Variants in TAFA2 observed in about 807,000 individuals in gnomAD.
TAFA2 encodes chemokine-like protein TAFA-2.
In TAFA2, 7 loss-of-function variants were observed where a neutral mutation model predicts 18.8. That is an observed-to-expected ratio of 0.37 (90% CI 0.21 to 0.70). The LOEUF (loss-of-function observed/expected upper bound fraction) is 0.70. Among genes scored for constraint, TAFA2 ranks in the 30% least tolerant of loss-of-function variants. TAFA2 has a pLI of 0.53. For synonymous variants in TAFA2, 60 were observed against 54.2 expected, an observed-to-expected ratio of 1.11 and a Z score of -0.47; for missense variants, 122 against 158.1, an observed-to-expected ratio of 0.77 and a Z score of 1.23.
chr12:61,979,906 A>G (rs568950252), intron 1 of TAFA2, among the ~76,000 whole-genome samples: 1 of 152,170 alleles, frequency 6.6e-6, no homozygotes, highest in Admixed American at 6.6e-5. Flanking sequence ...AAGAAAAATT[A>G]ACCACCCTCT....
At chr12:62,085,401 A>G (rs1018364406) in intron 1 of TAFA2, among the ~76,000 whole-genome samples, 5 of 152,188 alleles carry the variant, frequency 3.3e-5, no homozygotes, top group Non-Finnish European at 7.4e-5. Flanking sequence ...CTTGTAGACC[A>G]CGTGTTTACA....
intron 1 of TAFA2, among the ~76,000 whole-genome samples, chr12:61,895,116 G>C (rs770974423): frequency 5.3e-5 from 8 of 152,078 alleles, no homozygotes; most frequent in Non-Finnish European, 1.0e-4. Flanking sequence ...CTGGTACCTA[G>C]CAGTGAGCCA....
chr12:62,153,542 C>A (rs2062344768), intron 1 of TAFA2, among the ~76,000 whole-genome samples: 1 of 151,874 alleles, frequency 6.6e-6, no homozygotes, highest in Non-Finnish European at 1.5e-5. Context: ...TGATAACGCG[C>A]AACTGTCATC....
At chr12:62,005,073 G>A (rs1207809815) in intron 1 of TAFA2, among the ~76,000 whole-genome samples, 26 of 152,040 alleles carry the variant, frequency 1.7e-4, no homozygotes, top group East Asian at 1.9e-4. Context: ...GTTCAAAATT[G>A]CAGTTATGTA....
intron 1 of TAFA2, among the ~76,000 whole-genome samples, chr12:62,105,634 T>C (rs1446713733): frequency 2.6e-5 from 4 of 152,228 alleles, no homozygotes; most frequent in Non-Finnish European, 4.4e-5. Context: ...TTAGAACTTA[T>C]TTAGCTGATA....
chr12:61,925,378 C>A (rs1877243595), intron 1 of TAFA2, among the ~76,000 whole-genome samples: 1 of 152,124 alleles, frequency 6.6e-6, no homozygotes, highest in Admixed American at 6.5e-5. Context: ...GAAATCATAA[C>A]AAACAGTCTC....
Position 62,224,534 on chromosome 12 carries a change from C to T in TAFA2, c.-130+34229G>A, listed in dbSNP as rs550506772. Among the ~76,000 whole-genome samples the T allele has an allele frequency of 1.7e-4, 26 of 152,098 alleles. No individual in the cohort carries two copies. The East Asian group carries it at 4.4e-3, about 26-fold the overall frequency. On this transcript the variant is annotated intron_variant, in intron 1 of 5. Coordinates refer to the TAFA2 transcript ENST00000551619. ...TATTCATGAGGGCTTCACTCTCATTCGGGAGGTAATTATACCTCCCAAATG... is the reference window on the plus strand; with the variant it reads ...TATTCATGAGGGCTTCACTCTCATTTGGGAGGTAATTATACCTCCCAAATG...
At chr12:61,957,972 T>C (rs1878755423) in intron 1 of TAFA2, among the ~76,000 whole-genome samples, 1 of 152,076 alleles carries the variant, frequency 6.6e-6, no homozygotes, top group Non-Finnish European at 1.5e-5. Flanking sequence ...ACCTTTACTC[T>C]TTGCTTGTCT....
At chr12:61,771,213 T>C (rs965395351) in intron 2 of TAFA2, among the ~76,000 whole-genome samples, 1 of 151,968 alleles carries the variant, frequency 6.6e-6, no homozygotes, top group Non-Finnish European at 1.5e-5. Context: ...CCTAAATATA[T>C]ATGCACCTAA....
At chr12:61,765,407 C>T (rs2120815465) in intron 2 of TAFA2, among the ~76,000 whole-genome samples, 1 of 152,054 alleles carries the variant, frequency 6.6e-6, no homozygotes. Flanking sequence ...CTATGTTAAG[C>T]CAATGATTTT....
Position 61,914,539 on chromosome 12 carries a change from G to A in TAFA2, c.-1-47113C>T, listed in dbSNP as rs142053565. ...AATGACTGGTGTTATTCCAGTTAAAGTCTCTCTTGGCCCATCAATGAATAA... is the reference window on the plus strand; with the variant it reads ...AATGACTGGTGTTATTCCAGTTAAAATCTCTCTTGGCCCATCAATGAATAA... On this transcript the variant is annotated intron_variant, in intron 1 of 4. Coordinates refer to ENST00000416284, the MANE Select transcript of TAFA2 (RefSeq NM_178539.5). Among the ~76,000 whole-genome samples, 14 of 152,256 alleles carry A rather than the reference G, an allele frequency of 9.2e-5. No homozygotes were observed. The East Asian group carries it at 2.5e-3, about 27-fold the overall frequency.
intron 2 of TAFA2, among the ~76,000 whole-genome samples, chr12:61,788,811 A>G (rs564778285): frequency 1.7e-4 from 26 of 151,828 alleles, no homozygotes; most frequent in Non-Finnish European, 2.9e-4. Flanking sequence ...ATTCCTGGAC[A>G]CACAAAACTA....
intron 1 of TAFA2, among the ~76,000 whole-genome samples, chr12:62,171,713 G>A (rs2062479268): frequency 6.6e-6 from 1 of 152,078 alleles, no homozygotes; most frequent in Non-Finnish European, 1.5e-5. Context: ...CCATAGCTTT[G>A]AGAAATAAAT....
intron 1 of TAFA2, among the ~76,000 whole-genome samples, chr12:62,118,205 T>C (rs1380130956): frequency 1.3e-5 from 2 of 152,150 alleles, no homozygotes; most frequent in Admixed American, 1.3e-4. Context: ...TAAAGGGATA[T>C]TTTAGTTTTT....
intron 2 of TAFA2, among the ~76,000 whole-genome samples, chr12:61,852,461 C>G (rs1192695287): frequency 6.6e-6 from 1 of 152,218 alleles, no homozygotes; most frequent in Middle Eastern, 3.4e-3. Flanking sequence ...AGCAGCTGCT[C>G]TGAGAGGTCA....
At chr12:62,035,495 G>A (rs570441435) in intron 1 of TAFA2, among the ~76,000 whole-genome samples, 1 of 151,892 alleles carries the variant, frequency 6.6e-6, no homozygotes, top group South Asian at 2.1e-4. Flanking sequence ...AATGAAAGAA[G>A]TGGGAAGAGG....
At chr12:61,764,468 G>A (rs1869702198) in intron 2 of TAFA2, among the ~76,000 whole-genome samples, 1 of 152,020 alleles carries the variant, frequency 6.6e-6, no homozygotes, top group Non-Finnish European at 1.5e-5. Flanking sequence ...GAGAAAGAGT[G>A]TTGAAAAGAC....
At chr12:61,734,569 A>G (rs982281655) in intron 4 of TAFA2, among the ~76,000 whole-genome samples, 2 of 152,068 alleles carry the variant, frequency 1.3e-5, no homozygotes, top group African/African-American at 4.8e-5. Context: ...AAAGGAATGT[A>G]TTAGGCCCTA....
chr12:61,744,808 T>G (rs10784259), intron 4 of TAFA2, among the ~76,000 whole-genome samples: 56,755 of 151,832 alleles, frequency 0.37, 10,817 homozygotes, highest in African/African-American at 0.46. Flanking sequence ...ACCTCCCACC[T>G]CAGCTTCCCA....
Sources: allele counts gnomAD v4.1 joint callset (sites outside exome capture counted in the v4.1 genomes callset), GRCh38; gene constraint gnomAD v4.1.1; transcripts MANE v1.5; gene names NCBI Gene and HGNC (gene_info 2026-07-23, HGNC 2026-07-21).